ULK4: variants seen among roughly 807,000 people sequenced by gnomAD.
ULK4 encodes unc-51 like kinase 4.
A neutral mutation model predicts 160.6 loss-of-function variants in ULK4; 133 were observed. The observed-to-expected ratio is 0.83, with a 90% CI of 0.72 to 0.96. The LOEUF (loss-of-function observed/expected upper bound fraction) is 0.96. Ranked by LOEUF, ULK4 falls within the 40% of genes least tolerant of loss-of-function variation. The probability of loss-of-function intolerance (pLI) is 0.00; values close to 1 mark genes in which losing one functional copy is unlikely to be tolerated. For missense variants in ULK4, 1,580 were observed against 1,499.5 expected (o/e 1.05, Z -0.89); for synonymous variants, 534 against 539.8 (o/e 0.99, Z 0.15).
chr3:41,819,467 G>GAAC lies in ULK4; in HGVS notation c.1801_1803dup (p.Val601dup), dbSNP rs1232752430. 1.9e-6 allele frequency: 3 copies of GAAC among 1,613,298 alleles called. No homozygotes were observed. Among genetic ancestry groups the GAAC allele is most frequent in the Non-Finnish European group, 2.5e-6 (3 of 1,179,862 alleles). On this transcript the variant is annotated inframe_insertion, in exon 19 of 37. Coordinates refer to ENST00000301831, the MANE Select transcript of ULK4 (RefSeq NM_017886.4). ...ATTAGCACTGTGTATGCAGCCAAGGGAACAGCCCAGCACTCTCTAGGGTTC... is the reference window on the plus strand; with the variant it reads ...ATTAGCACTGTGTATGCAGCCAAGGGAACAACAGCCCAGCACTCTCTAGGGTTC...
intron 34 of ULK4, among the ~76,000 whole-genome samples, chr3:41,404,108 G>A (rs1348314807): frequency 6.6e-6 from 1 of 151,980 alleles, no homozygotes; most frequent in South Asian, 2.1e-4. Flanking sequence ...TGTTGGTTGA[G>A]TGTATTGTTC....
chr3:41,786,626 T>A (rs1280537542), intron 21 of ULK4, among the ~76,000 whole-genome samples: 3 of 151,076 alleles, frequency 2.0e-5, no homozygotes, highest in African/African-American at 7.3e-5. Flanking sequence ...AAGCAAATGT[T>A]CAATAAATTG....
chr3:41,739,046 T>A (rs2038148472), intron 22 of ULK4, among the ~76,000 whole-genome samples: 1 of 151,952 alleles, frequency 6.6e-6, no homozygotes, highest in Admixed American at 6.5e-5. Flanking sequence ...ATTCTCCTTT[T>A]GATAAACAGC....
At chr3:41,642,854 G>T (rs2034287352) in intron 30 of ULK4, among the ~76,000 whole-genome samples, 1 of 152,150 alleles carries the variant, frequency 6.6e-6, no homozygotes, top group South Asian at 2.1e-4. Context: ...AGCACCTGTT[G>T]TTTTCCTCAC....
chr3:41,378,140 C>T (rs989238641), intron 35 of ULK4, among the ~76,000 whole-genome samples: 1 of 147,662 alleles, frequency 6.8e-6, no homozygotes, highest in Non-Finnish European at 1.5e-5. Context: ...AACCAAACAC[C>T]ACATATTCTC....
intron 32 of ULK4, among the ~76,000 whole-genome samples, chr3:41,489,706 T>C (rs1197373220): frequency 6.6e-6 from 1 of 152,092 alleles, no homozygotes; most frequent in Admixed American, 6.6e-5. Context: ...ACTAACACAC[T>C]CTAAGATCTA....
At chr3:41,785,596 T>C (rs890599407) in intron 21 of ULK4, among the ~76,000 whole-genome samples, 1 of 152,192 alleles carries the variant, frequency 6.6e-6, no homozygotes, top group African/African-American at 2.4e-5. Flanking sequence ...AAACAACACG[T>C]AGAATTCCTT....
At chr3:41,574,012 A>T (rs1319877839) in intron 31 of ULK4, among the ~76,000 whole-genome samples, 1 of 152,156 alleles carries the variant, frequency 6.6e-6, no homozygotes, top group African/African-American at 2.4e-5. Context: ...GTGAAATCCC[A>T]TCTCTACTAA....
At chr3:41,644,737 T>C (rs2125725420) in intron 30 of ULK4, among the ~76,000 whole-genome samples, 1 of 150,994 alleles carries the variant, frequency 6.6e-6, no homozygotes, top group South Asian at 2.1e-4. Flanking sequence ...TCCCTCTTTT[T>C]CTATTGATTG....
intron 35 of ULK4, among the ~76,000 whole-genome samples, chr3:41,371,182 C>T (rs1306301504): frequency 6.6e-6 from 1 of 152,196 alleles, no homozygotes; most frequent in African/African-American, 2.4e-5. Flanking sequence ...CTCCCTAGGA[C>T]AGAGCAACTC....
intron 35 of ULK4, among the ~76,000 whole-genome samples, chr3:41,257,472 G>A (rs559215226): frequency 6.6e-5 from 10 of 152,016 alleles, no homozygotes; most frequent in African/African-American, 1.4e-4. Context: ...TCTCTGCAAC[G>A]AAATAAATAA....
rs116607315 is a variant in ULK4 at position 41,289,617 on chromosome 3, G to C, written c.3679-40043C>G. On this transcript the variant is annotated intron_variant, in intron 35 of 36. Coordinates refer to ENST00000301831, the MANE Select transcript of ULK4 (RefSeq NM_017886.4). The stretch of plus-strand genomic sequence containing the variant: ...ACCCTAGGACATCCCACAGAACCCT[G>C]GGTTGAAGGTGGCCACAGAGCCCAT... Among the ~76,000 whole-genome samples, 1,439 of 152,222 alleles carry C rather than the reference G, an allele frequency of 9.5e-3. 22 individuals carry two copies. The highest frequency in any genetic ancestry group is 0.033 in the African/African-American group (1,357 of 41,540).
intron 35 of ULK4, among the ~76,000 whole-genome samples, chr3:41,283,774 C>T (rs1007502477): frequency 2.0e-5 from 3 of 151,530 alleles, no homozygotes; most frequent in Non-Finnish European, 2.9e-5. Context: ...GCACATGTAC[C>T]GTAGAACAAA....
In ULK4 at chr3:41,611,357, C is replaced by CAGCT. The variant is rs367763272; in HGVS notation, c.3120+4308_3120+4311dup. Among the ~76,000 whole-genome samples the CAGCT allele has an allele frequency of 7.4e-4, 113 of 152,254 alleles. 1 individual carries two copies. The highest frequency in any genetic ancestry group is 2.7e-3 in the African/African-American group (112 of 41,548). On this transcript the variant is annotated intron_variant, in intron 31 of 36. Coordinates refer to ENST00000301831, the MANE Select transcript of ULK4 (RefSeq NM_017886.4). Reference sequence around the variant, plus strand: ...ACAACAGCAATTTTTTGTAAGCCATCAGCTGCCTGGCTTTCTCCACTGTTT... The same window carrying CAGCT: ...ACAACAGCAATTTTTTGTAAGCCATCAGCTAGCTGCCTGGCTTTCTCCACTGTTT...
intron 7 of ULK4, among the ~76,000 whole-genome samples, chr3:41,917,523 G>A (rs184831375): frequency 1.1e-3 from 167 of 152,112 alleles, no homozygotes; most frequent in African/African-American, 3.9e-3. Context: ...TCATTTATGT[G>A]TCTTAAGATA....
At chr3:41,852,241 A>G (rs1428075281) in intron 17 of ULK4, among the ~76,000 whole-genome samples, 2 of 152,232 alleles carry the variant, frequency 1.3e-5, no homozygotes, top group African/African-American at 4.8e-5. Context: ...TGAGGCAATA[A>G]TTAATAGCTT....
At chr3:41,864,234 G>A (rs2042566844) in intron 17 of ULK4, among the ~76,000 whole-genome samples, 2 of 152,248 alleles carry the variant, frequency 1.3e-5, no homozygotes, top group South Asian at 2.1e-4. Flanking sequence ...GGACACCACT[G>A]AGTTCAGTGC....
intron 35 of ULK4, among the ~76,000 whole-genome samples, chr3:41,262,343 G>T (rs1247955142): frequency 1.3e-5 from 2 of 152,198 alleles, no homozygotes; most frequent in African/African-American, 4.8e-5. Context: ...TCAAACTGGG[G>T]TCAAAGTAAG....
chr3:41,769,140 G>A (rs1260457624), intron 21 of ULK4, among the ~76,000 whole-genome samples: 1 of 152,140 alleles, frequency 6.6e-6, no homozygotes. Flanking sequence ...CAATAACTCT[G>A]GGTCCTTTAA....
Sources: allele counts gnomAD v4.1 joint callset (sites outside exome capture counted in the v4.1 genomes callset), GRCh38; gene constraint gnomAD v4.1.1; transcripts MANE v1.5; gene names NCBI Gene and HGNC (gene_info 2026-07-23, HGNC 2026-07-21).